Variants in MYO16 observed in about 807,000 individuals in gnomAD.
The protein encoded by MYO16 is unconventional myosin-XVI.
MYO16 carries 94 observed loss-of-function variants against 205.3 expected under a neutral mutation model. The observed-to-expected ratio is 0.46, with a 90% CI of 0.39 to 0.54. The LOEUF (loss-of-function observed/expected upper bound fraction) is 0.54, where lower values mean the gene tolerates loss of function less well. MYO16 is among the 20% of genes least tolerant of loss of function. The pLI is 0.00. For missense variants in MYO16, 2,315 were observed against 2,387.5 expected (o/e 0.97, Z 0.63); for synonymous variants, 988 against 954.0 (o/e 1.04, Z -0.66).
intron 28 of MYO16, among the ~76,000 whole-genome samples, chr13:109,115,988 A>C (rs1384571869): frequency 6.6e-6 from 1 of 152,198 alleles, no homozygotes; most frequent in Non-Finnish European, 1.5e-5. Context: ...CAAACAAACA[A>C]AAAACAGCAA....
At chr13:108,750,676 G>A (rs367634190) in intron 4 of MYO16, among the ~76,000 whole-genome samples, 17 of 151,896 alleles carry the variant, frequency 1.1e-4, no homozygotes, top group Admixed American at 8.5e-4. Context: ...GCGTGGTGGC[G>A]TGCACCTATA....
chr13:109,088,761 A>C (rs1888524986), intron 27 of MYO16, among the ~76,000 whole-genome samples: 1 of 152,284 alleles, frequency 6.6e-6, no homozygotes, highest in South Asian at 2.1e-4. Context: ...CGCGAGAAGA[A>C]GACACAGCGC....
At chr13:108,510,464 T>G in the MYO16 span, among the ~76,000 whole-genome samples, 1 of 54,818 alleles carries the variant, frequency 1.8e-5, no homozygotes, top group Non-Finnish European at 3.4e-5. Flanking sequence ...GATAGCTGTT[T>G]TTTTTTTTTT....
chr13:109,069,499 A>AT (rs1343227352), intron 27 of MYO16, among the ~76,000 whole-genome samples: 2 of 151,826 alleles, frequency 1.3e-5, no homozygotes, highest in Admixed American at 6.6e-5. Context: ...AAAAACATTC[A>AT]TTTTTTCACA....
chr13:108,622,210 A>G (rs983740794), intron 1 of MYO16, among the ~76,000 whole-genome samples: 1 of 152,216 alleles, frequency 6.6e-6, no homozygotes, highest in Admixed American at 6.5e-5. Context: ...AAATATTTTC[A>G]TGAATATAAA....
At chr13:108,723,387 T>C (rs1001135075) in intron 3 of MYO16, among the ~76,000 whole-genome samples, 2 of 152,190 alleles carry the variant, frequency 1.3e-5, no homozygotes, top group Non-Finnish European at 2.9e-5. Flanking sequence ...ATATTTCCCC[T>C]GATAGGCTGC....
At chr13:108,568,807 C>T in the MYO16 span, among the ~76,000 whole-genome samples, 2 of 151,992 alleles carry the variant, frequency 1.3e-5, no homozygotes, top group Non-Finnish European at 2.9e-5. Context: ...ACATTTTCTT[C>T]AAAGAGTTTT....
intron 16 of MYO16, among the ~76,000 whole-genome samples, chr13:108,930,793 C>T (rs1441978404): frequency 6.6e-6 from 1 of 151,820 alleles, no homozygotes; most frequent in East Asian, 1.9e-4. Flanking sequence ...TATGTTTGTC[C>T]ACCTAGAAAA....
chr13:108,887,889 T>C (rs1008101109), intron 13 of MYO16, among the ~76,000 whole-genome samples: 1 of 151,874 alleles, frequency 6.6e-6, no homozygotes, highest in African/African-American at 2.4e-5. Context: ...GTAAGGCCCA[T>C]GAAGCATGAA....
chr13:109,001,629 C>T (rs1210523345), intron 21 of MYO16, among the ~76,000 whole-genome samples: 1 of 152,082 alleles, frequency 6.6e-6, no homozygotes, highest in Non-Finnish European at 1.5e-5. Flanking sequence ...CTGTACCTGC[C>T]GTTTCATAGG....
At chr13:108,657,301 T>C (rs909569241) in intron 1 of MYO16, among the ~76,000 whole-genome samples, 7 of 152,230 alleles carry the variant, frequency 4.6e-5, no homozygotes, top group Non-Finnish European at 7.3e-5. Flanking sequence ...TCTAAGTGTC[T>C]ATTCCTCTAC....
chr13:108,769,746 CGATT>C (rs1885900857), intron 4 of MYO16, among the ~76,000 whole-genome samples: 1 of 151,980 alleles, frequency 6.6e-6, no homozygotes, highest in Admixed American at 6.6e-5. Flanking sequence ...CCAAACTCGC[CGATT>C]GATTTGACAA....
chr13:108,780,940 A>G (rs1886280993), intron 4 of MYO16, among the ~76,000 whole-genome samples: 1 of 152,232 alleles, frequency 6.6e-6, no homozygotes, highest in Admixed American at 6.5e-5. Flanking sequence ...AAATGACCCC[A>G]GCTAAATTAT....
chr13:109,195,142 T>G (rs1398533239), intron 34 of MYO16, among the ~76,000 whole-genome samples: 1 of 152,070 alleles, frequency 6.6e-6, no homozygotes, highest in African/African-American at 2.4e-5. Flanking sequence ...TTTAAGAAAT[T>G]AAAGCATCCA....
chr13:108,866,144 A>G, intron 11 of MYO16, 33 bp from the exon 12 acceptor site: 1 of 1,408,694 alleles, frequency 7.1e-7, no homozygotes, highest in Non-Finnish European at 9.7e-7. Context: ...TATTTATATG[A>G]CTCATGAACT....
At chr13:108,588,396 T>C in the MYO16 span, among the ~76,000 whole-genome samples, 1 of 152,134 alleles carries the variant, frequency 6.6e-6, no homozygotes, top group Non-Finnish European at 1.5e-5. Context: ...GAGAGGGTAG[T>C]ATGGAAAGTG....
intron 4 of MYO16, among the ~76,000 whole-genome samples, chr13:108,763,348 T>G (rs1885671769): frequency 6.6e-6 from 1 of 152,188 alleles, no homozygotes; most frequent in Non-Finnish European, 1.5e-5. Flanking sequence ...AACAATACTA[T>G]AGAAACTCAC....
intron 4 of MYO16, among the ~76,000 whole-genome samples, chr13:108,736,409 C>T (rs9587662): frequency 0.029 from 4,435 of 152,146 alleles, 205 homozygotes; most frequent in African/African-American, 0.1. Context: ...GAATCCTTTC[C>T]CCATTTCTTG....
Position 109,206,719 on chromosome 13 carries a change from C to T in MYO16, c.5526C>T (p.His1842=), listed in dbSNP as rs144481777. The change falls in exon 35 of 35, where the codon CAC becomes CAT. Residue 1842 remains histidine, a synonymous_variant. Coordinates refer to ENST00000457511, the MANE Select transcript of MYO16 (RefSeq NM_001198950.3). ...GACAAGACTGGCAGCAGATCCTGCACCACGCTGAGCCCAGGGTGCCTCCCC... is the reference window on the plus strand; with the variant it reads ...GACAAGACTGGCAGCAGATCCTGCATCACGCTGAGCCCAGGGTGCCTCCCC... ...EEGQDWQQIL[H]HAEPRVPPPP... 10 of 1,614,082 alleles carry T rather than the reference C, an allele frequency of 6.2e-6. No individual in the cohort carries two copies. The Admixed American group carries it at 6.7e-5, about 11-fold the overall frequency.
Sources: gnomAD v4.1 joint callset for allele counts (sites outside exome capture counted in the v4.1 genomes callset) on GRCh38, gnomAD v4.1.1 for gene constraint, MANE v1.5 for transcripts, NCBI Gene and HGNC (gene_info 2026-07-23, HGNC 2026-07-21) for gene names.